GRAMD1B: variants seen among roughly 807,000 people sequenced by gnomAD.
GRAMD1B encodes GRAM domain containing 1B.
Under a neutral mutation model 99.7 loss-of-function variants are expected in GRAMD1B, and 37 were observed. The ratio of observed to expected loss-of-function variants is 0.37; its 90% CI spans 0.29 to 0.49. GRAMD1B has a LOEUF of 0.49. GRAMD1B is among the 20% of genes least tolerant of loss of function. The pLI, the probability that GRAMD1B is intolerant of heterozygous loss-of-function variation, is 0.98. For missense variants in GRAMD1B, 888 were observed against 1,009.2 expected, an observed-to-expected ratio of 0.88 and a Z score of 1.63; for synonymous variants, 427 against 387.6, an observed-to-expected ratio of 1.10 and a Z score of -1.19.
At chr11:123,472,435 G>A (rs755141493) in intron 1 of GRAMD1B, among the ~76,000 whole-genome samples, 8 of 152,042 alleles carry the variant, frequency 5.3e-5, no homozygotes, top group East Asian at 1.9e-4. Context: ...CTCCCACCTC[G>A]GCCTCCCCGG....
intron 1 of GRAMD1B, among the ~76,000 whole-genome samples, chr11:123,402,074 G>A (rs1225015543): frequency 1.3e-5 from 2 of 152,152 alleles, no homozygotes; most frequent in African/African-American, 4.8e-5. Context: ...GGAGTACAAG[G>A]GTGCAATCTT....
rs1476036305 is a variant in GRAMD1B at position 123,606,622 on chromosome 11, C to T, written c.1337C>T (p.Pro446Leu). 6.2e-7 allele frequency: 1 copy of T among 1,610,726 alleles called. No individual in the cohort carries two copies. Among genetic ancestry groups the T allele is most frequent in the South Asian group, 1.1e-5 (1 of 89,952 alleles). The change falls in exon 11 of 20, where the codon CCC (proline) becomes CTC (leucine). Residue 446 changes from proline to leucine, a missense_variant. By Grantham distance (98) the Pro-to-Leu change is moderately conservative. Coordinates refer to ENST00000635736, the MANE Select transcript of GRAMD1B (RefSeq NM_001387025.1). ...SEAPVSFDGL[P>L]LEEEALEGDG... is the part of the protein sequence containing the mutation. ...TCTTGGCTCCAGTTTGATGGGCTGCCCCTGGAGGAAGAGGCGCTGGAGGGA... is the reference window on the plus strand; with the variant it reads ...TCTTGGCTCCAGTTTGATGGGCTGCTCCTGGAGGAAGAGGCGCTGGAGGGA...
rs894052617 is a variant in GRAMD1B, at chr11:123,610,441, G to T, written c.1919+103G>T. 4 of 1,123,568 alleles carry T rather than the reference G, an allele frequency of 3.6e-6. No homozygotes were observed. The African/African-American group carries it at 6.1e-5, about 17-fold the overall frequency. The allele number at this position is 1,123,568 out of a possible 1,614,324, so 69.6% of individuals were successfully genotyped here. A position where few individuals can be genotyped will look rare whatever the true frequency, so the allele number is the denominator to read the frequency against. On this transcript the variant is annotated intron_variant, in intron 14 of 19. Coordinates refer to ENST00000635736, the MANE Select transcript of GRAMD1B (RefSeq NM_001387025.1). The surrounding 1 kb of genome is among the most constrained non-coding windows in gnomAD (Gnocchi z 4.1). ...AGGAGGAGGTGGGGAGTGCTTGGCT[G>T]CTGACTCTCTTTATTCTACTTTCTC...
intron 2 of GRAMD1B, among the ~76,000 whole-genome samples, chr11:123,541,322 G>C (rs1413595644): frequency 6.6e-6 from 1 of 152,144 alleles, no homozygotes; most frequent in Non-Finnish European, 1.5e-5. Flanking sequence ...CTGCCTTTCA[G>C]AGAGGCTGTT....
Position 123,608,694 on chromosome 11 carries a change from C to T in GRAMD1B, c.1549C>T (p.Arg517Trp), listed in dbSNP as rs748832223. ...GGCCTTCTATGAGGACCTGAGTGGC[C>T]GGCAGTACGTGAATGAAGTCTTCAA... is the stretch of plus-strand genomic sequence containing the variant. ...VQAFYEDLSG[R>W]QYVNEVFNFS... The change falls in exon 12 of 20, where the codon CGG (arginine) becomes TGG (tryptophan). Residue 517 changes from arginine (R) to tryptophan (W), a missense_variant. Coordinates refer to ENST00000635736, the MANE Select transcript of GRAMD1B (RefSeq NM_001387025.1). 5 of 1,568,254 alleles carry T rather than the reference C, an allele frequency of 3.2e-6. No individual in the cohort carries two copies. The highest frequency in any genetic ancestry group is 3.5e-6 in the Non-Finnish European group (4 of 1,155,448).
chr11:123,392,168 C>T (rs1947305763), intron 1 of GRAMD1B, among the ~76,000 whole-genome samples: 1 of 151,968 alleles, frequency 6.6e-6, no homozygotes, highest in Non-Finnish European at 1.5e-5. Flanking sequence ...ACCAGAAGCC[C>T]ATGTGACTGG....
At chr11:123,542,014 G>A (rs1008927383) in intron 2 of GRAMD1B, among the ~76,000 whole-genome samples, 2 of 152,206 alleles carry the variant, frequency 1.3e-5, no homozygotes, top group Non-Finnish European at 2.9e-5. Context: ...CTTCCAGAGT[G>A]TGACTGTCGA....
At chr11:123,471,442 G>A (rs1428991044) in intron 1 of GRAMD1B, among the ~76,000 whole-genome samples, 1 of 152,046 alleles carries the variant, frequency 6.6e-6, no homozygotes, top group Non-Finnish European at 1.5e-5. Flanking sequence ...ATGAGTCCCG[G>A]GAAACATTTT....
rs552523102 is a variant in GRAMD1B at position 123,494,853 on chromosome 11, G to A, written c.452+13960G>A. ...CTCGGGGGCTCAAAACAGAGAGTCCGATCTTAGGCTTGTCCTGCTCTCTGC... is the reference window on the plus strand; with the variant it reads ...CTCGGGGGCTCAAAACAGAGAGTCCAATCTTAGGCTTGTCCTGCTCTCTGC... On this transcript the variant is annotated intron_variant, in intron 2 of 19. Transcript: ENST00000635736. Among the ~76,000 whole-genome samples the A allele has an allele frequency of 5.3e-5, 8 of 152,240 alleles. No individual in the cohort carries two copies. In the East Asian group the frequency reaches 5.8e-4, roughly 11 times the overall value.
intron 1 of GRAMD1B, among the ~76,000 whole-genome samples, chr11:123,444,524 C>T (rs1949551115): frequency 6.6e-6 from 1 of 152,026 alleles, no homozygotes; most frequent in Admixed American, 6.6e-5. Context: ...TGTGCCTGAG[C>T]TCCACAAGGA....
chr11:123,611,466 C>T (rs577162014), intron 14 of GRAMD1B, among the ~76,000 whole-genome samples: 4 of 152,188 alleles, frequency 2.6e-5, no homozygotes, highest in South Asian at 4.2e-4. Flanking sequence ...TTTTCATTCT[C>T]TTGGTAATTT....
intron 2 of GRAMD1B, among the ~76,000 whole-genome samples, chr11:123,537,323 A>G (rs964639679): frequency 3.9e-5 from 6 of 152,160 alleles, no homozygotes; most frequent in Admixed American, 2.6e-4. Flanking sequence ...AGACTGGGAG[A>G]TTCTTTGTTT....
At chr11:123,415,471 G>T (rs1326642769) in intron 1 of GRAMD1B, among the ~76,000 whole-genome samples, 1 of 151,616 alleles carries the variant, frequency 6.6e-6, no homozygotes. Context: ...TGGTGACATT[G>T]CTATCTTTTC....
Position 123,608,778 on chromosome 11 carries a change from T to A in GRAMD1B, c.1633T>A (p.Phe545Ile), listed in dbSNP as rs1402522933. 2.6e-6 allele frequency: 4 copies of A among 1,551,132 alleles called. No individual in the cohort carries two copies. Among genetic ancestry groups the A allele is most frequent in the Non-Finnish European group, 3.5e-6 (4 of 1,146,882 alleles). The change falls in exon 12 of 20, where the codon TTC becomes ATC. Residue 545 changes from phenylalanine to isoleucine, a missense_variant. Around this residue, in one of 5 missense-constraint regions of GRAMD1B, gnomAD observed 269 missense variants for 296.6 expected, o/e 0.91. Transcript: ENST00000635736. ...CACCAACTCGCCCTTCCAGCGGGAT[T>A]TCATGGAGCAGCGGCGCTTCTCTGG... is the stretch of plus-strand genomic sequence containing the variant. ...LFTNSPFQRDFMEQRRFSDII... is the reference protein window; with the variant it reads ...LFTNSPFQRDIMEQRRFSDII...
intron 1 of GRAMD1B, among the ~76,000 whole-genome samples, chr11:123,464,830 A>G (rs1950590550): frequency 6.6e-6 from 1 of 152,170 alleles, no homozygotes; most frequent in Non-Finnish European, 1.5e-5. Context: ...AGTGGAGGAG[A>G]GAGAACTGCT....
At chr11:123,433,281 G>A (rs1445661088) in intron 1 of GRAMD1B, among the ~76,000 whole-genome samples, 1 of 152,170 alleles carries the variant, frequency 6.6e-6, no homozygotes, top group East Asian at 1.9e-4. Flanking sequence ...GGGAGGCCAA[G>A]GCGGGAGAAT....
chr11:123,508,849 C>T (rs1940700174), intron 2 of GRAMD1B, among the ~76,000 whole-genome samples: 1 of 152,104 alleles, frequency 6.6e-6, no homozygotes, highest in Admixed American at 6.5e-5. Flanking sequence ...CCATGACTGG[C>T]TAATTTTGTA....
chr11:123,603,357 T>A lies in GRAMD1B; in HGVS notation c.1051-69T>A, dbSNP rs1211869220. 4.3e-6 allele frequency: 4 copies of A among 939,404 alleles called. No individual in the cohort carries two copies. The African/African-American group carries it at 6.5e-5, about 15-fold the overall frequency. 58.2% of individuals were successfully genotyped at this position (939,404 alleles called of 1,614,324 possible). On this transcript the variant is annotated intron_variant, in intron 8 of 19. Coordinates refer to ENST00000635736, the MANE Select transcript of GRAMD1B (RefSeq NM_001387025.1). ...TCTTCTCCAGGGGAACCAGCCCGGC[T>A]CAGTGCCTCTGTGCAGAGTCGGGGG... is the stretch of plus-strand genomic sequence containing the variant.
chr11:123,421,388 G>C (rs1948429693), intron 1 of GRAMD1B, among the ~76,000 whole-genome samples: 1 of 152,194 alleles, frequency 6.6e-6, no homozygotes, highest in South Asian at 2.1e-4. Flanking sequence ...ATTATTCTCA[G>C]AGGTCAAAAT....
Sources: allele counts gnomAD v4.1 joint callset (sites outside exome capture counted in the v4.1 genomes callset), GRCh38; gene constraint gnomAD v4.1.1; regional missense constraint gnomAD v4.1.1; non-coding constraint Gnocchi (gnomAD v3.1); transcripts MANE v1.5; gene names NCBI Gene and HGNC (gene_info 2026-07-23, HGNC 2026-07-21).